Variants in CLASP1 observed in about 807,000 individuals in gnomAD.
The protein encoded by CLASP1 is cytoplasmic linker associated protein 1.
In CLASP1, 38 loss-of-function variants were observed where a neutral mutation model predicts 192.3. The ratio of observed to expected loss-of-function variants is 0.20; its 90% CI spans 0.15 to 0.26. The LOEUF (loss-of-function observed/expected upper bound fraction) is 0.26. CLASP1 is among the 10% of genes least tolerant of loss of function. The pLI, the probability that CLASP1 is intolerant of heterozygous loss-of-function variation, is 1.00. For missense variants in CLASP1, 1,433 were observed against 1,932.5 expected, an observed-to-expected ratio of 0.74 and a Z score of 4.85; for synonymous variants, 691 against 712.8, an observed-to-expected ratio of 0.97 and a Z score of 0.49.
At position 121,365,276 on chromosome 2, in the gene CLASP1, C is replaced by T. The variant is rs896630387; in HGVS notation, c.3895G>A (p.Asp1299Asn). The change falls in exon 36 of 40, where the codon GAC becomes AAC. Residue 1299 changes from aspartate to asparagine, a missense_variant. This residue lies in a region of CLASP1 where 336 missense variants were observed against 358.0 expected (regional missense o/e 0.94). Coordinates refer to ENST00000263710, the Ensembl canonical transcript of CLASP1. ...AGGTCAGCCACCAGGTCAGAATGGT[C>T]GATGGGCACTGGTGAAACACACCAG... 34 of 1,612,222 alleles carry T rather than the reference C, an allele frequency of 2.1e-5. No individual in the cohort carries two copies. The highest frequency in any genetic ancestry group is 2.4e-5 in the Non-Finnish European group (28 of 1,179,308).
At chr2:121,412,597 AT>A (rs111748550) in intron 23 of CLASP1, among the ~76,000 whole-genome samples, 17 of 151,698 alleles carry the variant, frequency 1.1e-4, no homozygotes, top group African/African-American at 3.6e-4. Flanking sequence ...GTCTAATAAA[AT>A]TTAAAAAAAA....
At chr2:121,478,897 A>C (rs2092231259) in intron 8 of CLASP1, among the ~76,000 whole-genome samples, 1 of 57,472 alleles carries the variant, frequency 1.7e-5, no homozygotes, top group African/African-American at 8.5e-5. Flanking sequence ...CCACACACAC[A>C]CACCACACCA....
chr2:121,365,289 T>A lies in CLASP1; in HGVS notation c.3887-5A>T. On this transcript the variant is annotated splice_polypyrimidine_tract_variant and splice_region_variant and intron_variant, in intron 35 of 39. Coordinates refer to ENST00000263710, the Ensembl canonical transcript of CLASP1. The stretch of plus-strand genomic sequence containing the variant: ...GGTCAGAATGGTCGATGGGCACTGG[T>A]GAAACACACCAGACATACGTCACCT... The A allele has an allele frequency of 3.7e-6, 6 of 1,610,786 alleles. No homozygotes were observed. Among genetic ancestry groups the A allele is most frequent in the Non-Finnish European group, 5.1e-6 (6 of 1,178,698 alleles).
At chr2:121,620,220 C>CA (rs201371353) in intron 1 of CLASP1, among the ~76,000 whole-genome samples, 6,956 of 109,338 alleles carry the variant, frequency 0.064, 177 homozygotes, top group East Asian at 0.17. Flanking sequence ...GATTCTGTCT[C>CA]AAAAAAAAAA....
intron 8 of CLASP1, among the ~76,000 whole-genome samples, chr2:121,480,156 T>C (rs1000327639): frequency 3.3e-5 from 5 of 152,112 alleles, no homozygotes; most frequent in Non-Finnish European, 5.9e-5. Flanking sequence ...AACTCAAAAT[T>C]CATTTCAGCT....
At chr2:121,514,573 G>A (rs566511568) in intron 7 of CLASP1, among the ~76,000 whole-genome samples, 17 of 151,984 alleles carry the variant, frequency 1.1e-4, no homozygotes, top group Middle Eastern at 3.4e-3. Flanking sequence ...ATGAAAAGTA[G>A]TTTTATTCCC....
At chr2:121,567,616 T>C (rs1424379734) in intron 2 of CLASP1, among the ~76,000 whole-genome samples, 1 of 152,246 alleles carries the variant, frequency 6.6e-6, no homozygotes, top group Non-Finnish European at 1.5e-5. Flanking sequence ...TCTCCTCTGC[T>C]ATAATCACTA....
At chr2:121,465,371 C>T (rs2089320871) in intron 9 of CLASP1, among the ~76,000 whole-genome samples, 2 of 152,076 alleles carry the variant, frequency 1.3e-5, no homozygotes, top group Non-Finnish European at 1.5e-5. Context: ...TCTTATACAC[C>T]AATAACAGAC....
intron 7 of CLASP1, among the ~76,000 whole-genome samples, chr2:121,513,940 A>T (rs1434709667): frequency 2.6e-5 from 4 of 152,152 alleles, no homozygotes; most frequent in African/African-American, 9.6e-5. Context: ...GCATAAACCA[A>T]ATTGTGCTGT....
At chr2:121,552,864 C>T (rs941326529) in intron 2 of CLASP1, among the ~76,000 whole-genome samples, 8 of 152,210 alleles carry the variant, frequency 5.3e-5, no homozygotes, top group African/African-American at 1.9e-4. Context: ...GAATATAAAT[C>T]ATTCTACCAT....
intron 37 of CLASP1, 125 bp from the exon 39 acceptor site, chr2:121,348,843 C>T (rs904998256): frequency 8.0e-6 from 7 of 869,732 alleles, no homozygotes; most frequent in East Asian, 5.3e-5. Context: ...GCCATTGCTT[C>T]GCCTGGCTCA....
intron 19 of CLASP1, among the ~76,000 whole-genome samples, chr2:121,442,840 T>C (rs1000168460): frequency 2.0e-5 from 3 of 152,158 alleles, no homozygotes; most frequent in African/African-American, 4.8e-5. Flanking sequence ...GAAGCTAGAT[T>C]ATAAAATATT....
intron 8 of CLASP1, among the ~76,000 whole-genome samples, chr2:121,489,136 G>T (rs1347902267): frequency 1.3e-5 from 2 of 152,178 alleles, no homozygotes; most frequent in East Asian, 1.9e-4. Flanking sequence ...TTCAGAACAT[G>T]AATTATTTAA....
At chr2:121,387,976 TAA>T (rs966015342) in intron 30 of CLASP1, 70 bp from the exon 32 acceptor site, 4 of 1,206,730 alleles carry the variant, frequency 3.3e-6, no homozygotes, top group Non-Finnish European at 4.6e-6. Context: ...TAAAGTTGTT[TAA>T]AAAAATATTT....
At chr2:121,483,409 A>G (rs764708643) in intron 8 of CLASP1, among the ~76,000 whole-genome samples, 1 of 152,150 alleles carries the variant, frequency 6.6e-6, no homozygotes, top group Non-Finnish European at 1.5e-5. Flanking sequence ...GGTTTTTCCT[A>G]GCAAATATCT....
exon 17 of CLASP1, chr2:121,449,109 C>T (rs766802202): frequency 1.6e-5 from 26 of 1,613,642 alleles, no homozygotes; most frequent in Non-Finnish European, 2.1e-5. Context: ...ACTGTGGAAA[C>T]CCCAGTAACA....
At chr2:121,457,655 CA>C in intron 14 of CLASP1, 31 bp downstream of exon 14, 1 of 1,557,484 alleles carries the variant, frequency 6.4e-7, no homozygotes, top group East Asian at 2.2e-5. Context: ...TTAAACAATT[CA>C]AAAACAATGA....
rs369977689 is a variant in CLASP1 at position 121,397,817 on chromosome 2, T to A, written c.2979+505A>T. On this transcript the variant is annotated intron_variant, in intron 29 of 39. Transcript: ENST00000263710. ...AAGTTAATGATCAAAGAACAGATGA[T>A]GAACGTGACCTAATTCAAATTAACA... Among the ~76,000 whole-genome samples, 4 of 152,350 alleles carry A rather than the reference T, an allele frequency of 2.6e-5. No individual in the cohort carries two copies. In the East Asian group the frequency reaches 7.7e-4, roughly 29 times the overall value.
chr2:121,373,205 T>C (rs1437335841), intron 34 of CLASP1, among the ~76,000 whole-genome samples: 1 of 152,160 alleles, frequency 6.6e-6, no homozygotes, highest in African/African-American at 2.4e-5. Context: ...TTTAGAAGTG[T>C]GTAGCACTTC....
Sources: gnomAD v4.1 joint callset for allele counts (sites outside exome capture counted in the v4.1 genomes callset) on GRCh38, gnomAD v4.1.1 for gene constraint, gnomAD v4.1.1 regional missense constraint, MANE v1.5 for transcripts, NCBI Gene and HGNC (gene_info 2026-07-23, HGNC 2026-07-21) for gene names.